Variants in RAB9B observed in about 807,000 individuals in gnomAD.
RAB9B encodes the protein ras-related protein Rab-9B.
In RAB9B, 1 loss-of-function variant was observed where a neutral mutation model predicts 8.9. The observed-to-expected ratio is 0.11, with a 90% CI of 0.04 to 0.53. RAB9B has a LOEUF of 0.53. Ranked by LOEUF, RAB9B falls within the 20% of genes least tolerant of loss-of-function variation. The pLI is 0.93. For synonymous variants in RAB9B, 63 were observed against 57.0 expected, an observed-to-expected ratio of 1.10 and a Z score of -0.47; for missense variants, 82 against 152.9, an observed-to-expected ratio of 0.54 and a Z score of 2.45.
At chrX:103,826,975 A>T (rs1005162797) in intron 2 of RAB9B, 30 bp downstream of exon 2, 2 of 111,449 alleles carry the variant, frequency 1.8e-5, no homozygotes, top group Admixed American at 1.9e-4. Context: ...AATATCCCAA[A>T]TCCACAGTGT....
chrX:103,787,847 C>T, the RAB9B span: 1 of 1,208,626 alleles, frequency 8.3e-7, no homozygotes, highest in Middle Eastern at 2.3e-4. Context: ...CTGGTGTTTG[C>T]CTGCTCTGCT....
chrX:103,796,511 C>T, the RAB9B span, among the ~76,000 whole-genome samples: 9 of 110,469 alleles, frequency 8.1e-5, no homozygotes, highest in African/African-American at 2.3e-4. Context: ...AAACTTGGCC[C>T]GGACTGTAAG....
chrX:103,777,212 GGA>G, the RAB9B span, among the ~76,000 whole-genome samples: 1 of 111,784 alleles, frequency 8.9e-6, no homozygotes, highest in Non-Finnish European at 1.9e-5. Flanking sequence ...AGCAGCACGT[GGA>G]GAGTCCCACA....
At chrX:103,802,696 T>G in the RAB9B span, among the ~76,000 whole-genome samples, 136 of 112,061 alleles carry the variant, frequency 1.2e-3, 1 homozygote, top group African/African-American at 4.2e-3. Flanking sequence ...CCATTTAAAG[T>G]GTGCAATCCA....
At chrX:103,790,737 G>A in the RAB9B span, 1 of 545,411 alleles carries the variant, frequency 1.8e-6, no homozygotes, top group East Asian at 3.4e-5. Context: ...AGAAAGGAGA[G>A]TCTTGCAGTG....
chrX:103,780,435 C>CTGTGTGTGTG, the RAB9B span, among the ~76,000 whole-genome samples: 8,182 of 68,181 alleles, frequency 0.12, 258 homozygotes, highest in Non-Finnish European at 0.14. Flanking sequence ...CATTCTGTCT[C>CTGTGTGTGTG]TCTCTGTGTG....
chrX:103,776,886 TA>T, the RAB9B span: 1 of 757,789 alleles, frequency 1.3e-6, no homozygotes, highest in Non-Finnish European at 2.0e-6. Context: ...AGAGAAAAAG[TA>T]AAAGACCGAA....
downstream of RAB9B, among the ~76,000 whole-genome samples, chrX:103,820,967 CACACACACACACACAT>C (rs1313312404): frequency 0.013 from 704 of 52,792 alleles, 14 homozygotes; most frequent in African/African-American, 0.035. Flanking sequence ...CACACACACA[CACACACACACACACAT>C]ACACACACAC....
At chrX:103,800,963 A>G in the RAB9B span, among the ~76,000 whole-genome samples, 3 of 112,097 alleles carry the variant, frequency 2.7e-5, no homozygotes, top group African/African-American at 9.7e-5. Flanking sequence ...TGCATATACC[A>G]TACACCTTTA....
At chrX:103,790,511 C>T in the RAB9B span, 1 of 1,179,636 alleles carries the variant, frequency 8.5e-7, no homozygotes, top group African/African-American at 1.7e-5. Context: ...CACATTCTCT[C>T]TTCTGTTCCC....
At chrX:103,794,163 A>C in the RAB9B span, among the ~76,000 whole-genome samples, 1 of 111,565 alleles carries the variant, frequency 9.0e-6, no homozygotes, top group African/African-American at 3.3e-5. Flanking sequence ...ACTGGAGTGG[A>C]GGCAAGGAGT....
downstream of RAB9B, among the ~76,000 whole-genome samples, chrX:103,821,713 T>G (rs1169642094): frequency 8.9e-6 from 1 of 112,136 alleles, no homozygotes; most frequent in African/African-American, 3.2e-5. Context: ...ATATGTCTAC[T>G]CTGTTTATAT....
the RAB9B span, among the ~76,000 whole-genome samples, chrX:103,813,745 CAAAAAAAAA>C: frequency 1.2e-4 from 1 of 8,542 alleles, no homozygotes; most frequent in Non-Finnish European, 1.9e-4. Flanking sequence ...AAATGGAAAG[CAAAAAAAAA>C]AAAAAAAAAA....
the RAB9B span, among the ~76,000 whole-genome samples, chrX:103,798,644 A>ATT: frequency 1.4e-4 from 14 of 98,236 alleles, no homozygotes; most frequent in Admixed American, 2.2e-4. Flanking sequence ...GCAAACTACA[A>ATT]TTTTTTTTTT....
chrX:103,804,085 A>G, the RAB9B span, among the ~76,000 whole-genome samples: 69 of 111,566 alleles, frequency 6.2e-4, no homozygotes, highest in African/African-American at 2.1e-3. Context: ...CTAAGGTCAC[A>G]CAGATTTTTA....
At chrX:103,785,891 G>C in the RAB9B span, 1 of 751,842 alleles carries the variant, frequency 1.3e-6, no homozygotes, top group African/African-American at 2.1e-5. Context: ...CCGGATTCCC[G>C]AGTCTTCCCT....
the RAB9B span, among the ~76,000 whole-genome samples, chrX:103,799,344 C>T: frequency 9.0e-6 from 1 of 111,271 alleles, no homozygotes; most frequent in Admixed American, 9.6e-5. Flanking sequence ...GTTAAAAAGG[C>T]ATATTTCCTT....
chrX:103,789,295 T>C, the RAB9B span: 1 of 1,027,114 alleles, frequency 9.7e-7, no homozygotes, highest in Admixed American at 2.2e-5. Context: ...ATTACTGCTG[T>C]TGCAAGAAAC....
Position 103,825,093 on chromosome X carries a change from G to T in RAB9B, c.*86C>A, listed in dbSNP as rs747517766. ...CCTTGTCTCTTACCCTCTTGTGTGC[G>T]TGTGTGTGCACTCTTAGAGGGGCAC... On this transcript the variant is annotated 3_prime_UTR_variant, in exon 3 of 3. Transcript: ENST00000243298. The T allele has an allele frequency of 4.2e-6, 4 of 954,042 alleles. No individual in the cohort carries two copies. The highest frequency in any genetic ancestry group is 6.0e-5 in the Admixed American group (2 of 33,405). 78.6% of individuals were successfully genotyped at this position (954,042 alleles called of 1,213,427 possible). A position where few individuals can be genotyped will look rare whatever the true frequency, so the allele number is the denominator to read the frequency against.
Sources: gnomAD v4.1 joint callset for allele counts (sites outside exome capture counted in the v4.1 genomes callset) on GRCh38, gnomAD v4.1.1 for gene constraint, MANE v1.5 for transcripts, NCBI Gene and HGNC (gene_info 2026-07-23, HGNC 2026-07-21) for gene names.